The following SGPP2 variants were observed in gnomAD, a reference collection of about 807,000 sequenced individuals.
SGPP2 encodes the protein sphingosine-1-phosphate phosphatase 2, also known as sphingosine 1-phosphate phosphohydrolase 2.
Under a neutral mutation model 33.9 loss-of-function variants are expected in SGPP2, and 30 were observed. That is an observed-to-expected ratio of 0.89 (90% CI 0.66 to 1.20). The LOEUF is 1.20. Ranked by LOEUF, SGPP2 falls within the 50% of genes most tolerant of loss-of-function variation. The pLI is 0.00. For synonymous variants in SGPP2, 233 were observed against 225.0 expected (o/e 1.04, Z -0.32); for missense variants, 458 against 532.1 (o/e 0.86, Z 1.37).
In SGPP2 at chr2:222,544,615, G is replaced by A. The variant is rs145804831; in HGVS notation, c.649-13732G>A. On this transcript the variant is annotated intron_variant, in intron 4 of 4. Coordinates refer to ENST00000321276, the MANE Select transcript of SGPP2 (RefSeq NM_152386.4). ...TAGTTGTTATGCTTTATCATTTAGG[G>A]AATCATGACAAGAAAAAAAGTCTGT... Among the ~76,000 whole-genome samples the A allele has an allele frequency of 4.6e-3, 698 of 152,084 alleles. 5 individuals are homozygous for A. The highest frequency in any genetic ancestry group is 0.016 in the African/African-American group (668 of 41,474).
chr2:222,554,703 G>A (rs1011461815), intron 4 of SGPP2, among the ~76,000 whole-genome samples: 1 of 152,126 alleles, frequency 6.6e-6, no homozygotes, highest in Non-Finnish European at 1.5e-5. Flanking sequence ...TTCTCTGCAC[G>A]GTTTGTGTGG....
At chr2:222,487,804 C>T (rs934177314) in intron 2 of SGPP2, among the ~76,000 whole-genome samples, 3 of 152,112 alleles carry the variant, frequency 2.0e-5, no homozygotes, top group Non-Finnish European at 2.9e-5. Flanking sequence ...AATCTGCAAC[C>T]GCTTGCAAAT....
intron 1 of SGPP2, among the ~76,000 whole-genome samples, chr2:222,466,460 A>G (rs1367502483): frequency 2.6e-5 from 4 of 151,888 alleles, no homozygotes; most frequent in Non-Finnish European, 2.9e-5. Flanking sequence ...GGGTTTCACC[A>G]TGTTAGCCAG....
At chr2:222,539,321 A>C (rs978096581) in intron 4 of SGPP2, among the ~76,000 whole-genome samples, 2 of 152,234 alleles carry the variant, frequency 1.3e-5, no homozygotes, top group African/African-American at 4.8e-5. Flanking sequence ...AAATATTTTC[A>C]AATCAAAGAA....
At chr2:222,558,203 C>T (rs565803257) in intron 4 of SGPP2, 144 bp from the exon 5 acceptor site, 2 of 905,916 alleles carry the variant, frequency 2.2e-6, no homozygotes, top group African/African-American at 1.7e-5. Flanking sequence ...TAGAACTTTA[C>T]ACTTTCTTTG....
intron 1 of SGPP2, among the ~76,000 whole-genome samples, chr2:222,455,844 G>T (rs944788762): frequency 6.6e-6 from 1 of 152,162 alleles, no homozygotes; most frequent in African/African-American, 2.4e-5. Context: ...TGATGCTTCA[G>T]TGAGCTATGA....
chr2:222,469,320 A>T (rs1697803097), intron 1 of SGPP2, among the ~76,000 whole-genome samples: 1 of 152,138 alleles, frequency 6.6e-6, no homozygotes, highest in African/African-American at 2.4e-5. Flanking sequence ...AGTAGCTGGG[A>T]TTACAGACAT....
intron 4 of SGPP2, among the ~76,000 whole-genome samples, chr2:222,551,604 C>A (rs139411404): frequency 1.0e-3 from 156 of 152,222 alleles, no homozygotes; most frequent in African/African-American, 3.6e-3. Flanking sequence ...TACAAAAATA[C>A]CTACATGTCT....
chr2:222,442,979 G>A (rs1373483715), intron 1 of SGPP2, among the ~76,000 whole-genome samples: 1 of 152,170 alleles, frequency 6.6e-6, no homozygotes, highest in Non-Finnish European at 1.5e-5. Context: ...TGACATTATA[G>A]TAAGGAATGC....
intron 1 of SGPP2, among the ~76,000 whole-genome samples, chr2:222,450,419 T>C (rs986888667): frequency 9.2e-5 from 14 of 152,228 alleles, no homozygotes; most frequent in Non-Finnish European, 1.5e-5. Context: ...TTTCCTTCCA[T>C]CAATTAGTTA....
chr2:222,438,577 T>C (rs182051835), intron 1 of SGPP2, among the ~76,000 whole-genome samples: 379 of 152,356 alleles, frequency 2.5e-3, no homozygotes, highest in Non-Finnish European at 4.0e-3. Context: ...GCCAAGTCAG[T>C]GGTTGCATAC....
chr2:222,442,017 C>T (rs1433077894), intron 1 of SGPP2, among the ~76,000 whole-genome samples: 1 of 152,190 alleles, frequency 6.6e-6, no homozygotes, highest in African/African-American at 2.4e-5. Flanking sequence ...TCCAAGCAAC[C>T]ACATGAAATG....
intron 2 of SGPP2, among the ~76,000 whole-genome samples, chr2:222,480,452 C>T (rs1698012232): frequency 6.6e-6 from 1 of 152,092 alleles, no homozygotes. Flanking sequence ...GTAAGGAGAG[C>T]ACAGATACAA....
chr2:222,471,298 T>C (rs1697836615), intron 1 of SGPP2, among the ~76,000 whole-genome samples: 1 of 152,138 alleles, frequency 6.6e-6, no homozygotes, highest in Non-Finnish European at 1.5e-5. Context: ...CTCAGGGCTA[T>C]GTTGGGGAGG....
intron 4 of SGPP2, among the ~76,000 whole-genome samples, chr2:222,525,466 G>A (rs1698744577): frequency 6.6e-6 from 1 of 152,198 alleles, no homozygotes; most frequent in Non-Finnish European, 1.5e-5. Flanking sequence ...CACCAGGTCA[G>A]AGGAGCCCGG....
intron 2 of SGPP2, among the ~76,000 whole-genome samples, chr2:222,486,598 G>C (rs1269522656): frequency 6.6e-6 from 1 of 152,128 alleles, no homozygotes; most frequent in African/African-American, 2.4e-5. Context: ...TCATTTACAG[G>C]TCCTGACTAC....
At chr2:222,489,154 T>C (rs1167014795) in intron 2 of SGPP2, among the ~76,000 whole-genome samples, 3 of 152,198 alleles carry the variant, frequency 2.0e-5, no homozygotes, top group Non-Finnish European at 4.4e-5. Flanking sequence ...TTAAACCTTG[T>C]ATTTACTACA....
intron 4 of SGPP2, among the ~76,000 whole-genome samples, chr2:222,544,997 T>C (rs1180304092): frequency 6.6e-6 from 1 of 152,160 alleles, no homozygotes; most frequent in Admixed American, 6.5e-5. Context: ...CTAAGTATAT[T>C]TCTCAGTAAG....
At chr2:222,556,405 C>T (rs184689300) in intron 4 of SGPP2, among the ~76,000 whole-genome samples, 1 of 151,610 alleles carries the variant, frequency 6.6e-6, no homozygotes, top group Non-Finnish European at 1.5e-5. Flanking sequence ...GGTCAGGACA[C>T]TCAACTCTTC....
Sources: gnomAD v4.1 joint callset for allele counts (sites outside exome capture counted in the v4.1 genomes callset) on GRCh38, gnomAD v4.1.1 for gene constraint, MANE v1.5 for transcripts, NCBI Gene and HGNC (gene_info 2026-07-23, HGNC 2026-07-21) for gene names.